Variants in HFM1 observed in about 807,000 individuals in gnomAD.
The protein encoded by HFM1 is probable ATP-dependent DNA helicase HFM1.
A neutral mutation model predicts 192.1 loss-of-function variants in HFM1; 169 were observed. That is an observed-to-expected ratio of 0.88 (90% CI 0.78 to 1.00). HFM1 has a LOEUF of 1.00. Among genes scored for constraint, HFM1 ranks in the 50% least tolerant of loss-of-function variants. The pLI, the probability that HFM1 is intolerant of heterozygous loss-of-function variation, is 0.00. For missense variants in HFM1, 1,661 were observed against 1,668.0 expected, an observed-to-expected ratio of 1.00 and a Z score of 0.07; for synonymous variants, 525 against 537.8, an observed-to-expected ratio of 0.98 and a Z score of 0.33.
chr1:91,358,098 A>T (rs887624281), intron 13 of HFM1, among the ~76,000 whole-genome samples: 4 of 152,050 alleles, frequency 2.6e-5, no homozygotes, highest in Non-Finnish European at 5.9e-5. Flanking sequence ...AAAATCATAA[A>T]ATTAACTTTG....
chr1:91,364,611 T>TAC lies in HFM1; in HGVS notation c.1685+10746_1685+10747insGT, dbSNP rs1299249722. On this transcript the variant is annotated intron_variant, in intron 13 of 38. Coordinates refer to ENST00000370425, the MANE Select transcript of HFM1 (RefSeq NM_001017975.6). ...GTATATATACATATACATATACATA[T>TAC]ATATATATATATATATATATATTTT... Among the ~76,000 whole-genome samples, 291 of 57,884 alleles carry TAC rather than the reference T, an allele frequency of 5.0e-3. 2 individuals are homozygous for TAC. The highest frequency in any genetic ancestry group is 9.7e-3 in the Admixed American group (42 of 4,328). The allele number at this position is 57,884 out of a possible 152,430, so 38.0% of individuals were successfully genotyped here. A position where few individuals can be genotyped will look rare whatever the true frequency, so the allele number is the denominator to read the frequency against.
At chr1:91,400,775 C>T (rs1217053788) in intron 2 of HFM1, among the ~76,000 whole-genome samples, 8 of 152,150 alleles carry the variant, frequency 5.3e-5, no homozygotes, top group Non-Finnish European at 1.0e-4. Context: ...TGAGCCACTG[C>T]GCCTGGCCCA....
At chr1:91,315,061 G>T (rs1441441963) in intron 28 of HFM1, among the ~76,000 whole-genome samples, 1 of 152,126 alleles carries the variant, frequency 6.6e-6, no homozygotes, top group East Asian at 1.9e-4. Flanking sequence ...TCTGGATTGG[G>T]TTCAAATCTA....
chr1:91,364,227 G>A (rs1214801736), intron 13 of HFM1, among the ~76,000 whole-genome samples: 2 of 151,932 alleles, frequency 1.3e-5, no homozygotes, highest in African/African-American at 4.8e-5. Flanking sequence ...ACAGGTATAT[G>A]AAAAGGTGTT....
chr1:91,338,895 A>C (rs1011130414), intron 20 of HFM1: 1 of 455,530 alleles, frequency 2.2e-6, no homozygotes, highest in African/African-American at 2.0e-5. Flanking sequence ...TGCCCCATTT[A>C]AGTGTGATTG....
chr1:91,313,981 T>C lies in HFM1; in HGVS notation c.3220A>G (p.Ile1074Val), dbSNP rs761389251. ...CCAAATTCAGAACTTATTAGATTTATGCTAAGATCTTCAGATTTAAGAGCT... is the reference window on the plus strand; with the variant it reads ...CCAAATTCAGAACTTATTAGATTTACGCTAAGATCTTCAGATTTAAGAGCT... Reference protein sequence around the residue: ...KRALKSEDLSINLISSEFVGL... With the variant: ...KRALKSEDLSVNLISSEFVGL... The change falls in exon 29 of 39, where the codon ATA (isoleucine) becomes GTA (valine). Residue 1074 changes from isoleucine (I) to valine (V), a missense_variant. Ile to Val is a conservative substitution (Grantham distance 29, BLOSUM62 3). Transcript: ENST00000370425. 2.4e-5 allele frequency: 38 copies of C among 1,601,426 alleles called. No homozygotes were observed. In the African/African-American group the frequency reaches 3.6e-4, roughly 15 times the overall value.
intron 34 of HFM1, among the ~76,000 whole-genome samples, chr1:91,272,410 A>G (rs1666391134): frequency 6.6e-6 from 1 of 152,110 alleles, no homozygotes; most frequent in Non-Finnish European, 1.5e-5. Context: ...ACAGGGATAG[A>G]GTTATTATTG....
At chr1:91,339,089 C>A in intron 20 of HFM1, 1 of 450,270 alleles carries the variant, frequency 2.2e-6, no homozygotes, top group Non-Finnish European at 4.4e-6. Context: ...TCAATGACAT[C>A]AAGGAATATA....
chr1:91,274,813 T>G lies in HFM1; in HGVS notation c.3589-4A>C, dbSNP rs770204665. 6.7e-7 allele frequency: 1 copy of G among 1,487,264 alleles called. No homozygotes were observed. Among genetic ancestry groups the G allele is most frequent in the Admixed American group, 1.8e-5 (1 of 57,122 alleles). 92.1% of individuals were successfully genotyped at this position (1,487,264 alleles called of 1,614,324 possible). On this transcript the variant is annotated splice_region_variant and splice_polypyrimidine_tract_variant and intron_variant, in intron 32 of 38. Coordinates refer to ENST00000370425, the MANE Select transcript of HFM1 (RefSeq NM_001017975.6). ...TTTGAGATTTATTCATCTGTATCTA[T>G]TAATGAAACAAAAATAAGTTCAACT...
Position 91,394,203 on chromosome 1 carries a change from A to C in HFM1, c.384T>G (p.Tyr128Ter). 1 of 1,603,294 alleles carries C rather than the reference A, an allele frequency of 6.2e-7. No individual in the cohort carries two copies. ...CTATCTCAGTGCCAATGTGATTTTT[A>C]TATTTCTGAGAAGCATATGTCAGCT... ...AGKLTYASQK[Y>*]KNHIGTEIAP... The change falls in exon 4 of 39, where the codon TAT becomes TAG. Residue 128 changes from tyrosine to a stop codon, truncating the protein, a stop_gained. Transcript: ENST00000370425. LOFTEE classifies it high-confidence loss of function.
intron 30 of HFM1, among the ~76,000 whole-genome samples, chr1:91,292,749 A>C (rs1668924613): frequency 6.6e-6 from 1 of 152,200 alleles, no homozygotes; most frequent in South Asian, 2.1e-4. Flanking sequence ...CACCAAGTCA[A>C]TCCTAAGCCA....
At chr1:91,370,948 CAG>C (rs1660100898) in intron 13 of HFM1, among the ~76,000 whole-genome samples, 1 of 151,926 alleles carries the variant, frequency 6.6e-6, no homozygotes, top group Non-Finnish European at 1.5e-5. Context: ...ACACCAATAA[CAG>C]ACAAACAGAG....
rs1245882982 is a variant in HFM1 at position 91,323,203 on chromosome 1, T to A, written c.2428-4A>T. 7.0e-7 allele frequency: 1 copy of A among 1,424,224 alleles called. No homozygotes were observed. Among genetic ancestry groups the A allele is most frequent in the Non-Finnish European group, 9.8e-7 (1 of 1,017,172 alleles). The allele number at this position is 1,424,224 out of a possible 1,614,324, so 88.2% of individuals were successfully genotyped here. On this transcript the variant is annotated splice_polypyrimidine_tract_variant and splice_region_variant and intron_variant, in intron 21 of 38. Transcript: ENST00000370425. ...TGCAGCCAGCTATCAATGTAACCTA[T>A]AACATTTCAGTAGTTGTCCATTTAA...
chr1:91,400,192 A>G (rs1664133522), intron 2 of HFM1, among the ~76,000 whole-genome samples: 1 of 152,226 alleles, frequency 6.6e-6, no homozygotes, highest in African/African-American at 2.4e-5. Context: ...AAAATTCAAA[A>G]TTGAACAATG....
chr1:91,299,602 A>G (rs1648332213), intron 30 of HFM1, among the ~76,000 whole-genome samples: 1 of 152,234 alleles, frequency 6.6e-6, no homozygotes, highest in African/African-American at 2.4e-5. Flanking sequence ...CCACAGTGCA[A>G]TCAAACTAGA....
intron 20 of HFM1, chr1:91,329,155 T>C (rs551784742): frequency 1.9e-6 from 3 of 1,609,540 alleles, no homozygotes; most frequent in South Asian, 2.2e-5. Flanking sequence ...GAGGAGATCG[T>C]GCAGCGACTT....
intron 30 of HFM1, among the ~76,000 whole-genome samples, chr1:91,298,976 TA>T (rs1420070519): frequency 6.6e-6 from 1 of 152,172 alleles, no homozygotes. Flanking sequence ...ATGCTCCAAT[TA>T]AAAGACACAG....
At chr1:91,377,964 G>C (rs1399437004) in intron 11 of HFM1, 61 bp downstream of exon 11, 2 of 1,431,842 alleles carry the variant, frequency 1.4e-6, no homozygotes, top group Admixed American at 1.9e-5. Context: ...CTATGATCAA[G>C]ATGACTAAAT....
chr1:91,298,459 A>G (rs1368908882), intron 30 of HFM1, among the ~76,000 whole-genome samples: 5 of 152,184 alleles, frequency 3.3e-5, no homozygotes, highest in Non-Finnish European at 7.3e-5. Context: ...ACTCCTCAAG[A>G]AGAGCAACTC....
Sources: allele counts gnomAD v4.1 joint callset (sites outside exome capture counted in the v4.1 genomes callset), GRCh38; gene constraint gnomAD v4.1.1; transcripts MANE v1.5; gene names NCBI Gene and HGNC (gene_info 2026-07-23, HGNC 2026-07-21).